The following STK35 variants were observed in gnomAD, a reference collection of about 807,000 sequenced individuals.
STK35 encodes the protein serine/threonine-protein kinase 35.
In STK35, 17 loss-of-function variants were observed where a neutral mutation model predicts 37.3. That is an observed-to-expected ratio of 0.46 (90% confidence interval 0.31 to 0.68). STK35 has a LOEUF of 0.68. Ranked by LOEUF, STK35 falls within the 30% of genes least tolerant of loss-of-function variation. The pLI, the probability that STK35 is intolerant of heterozygous loss-of-function variation, is 0.05. For missense variants in STK35, 595 were observed against 746.7 expected, an observed-to-expected ratio of 0.80 and a Z score of 2.37; for synonymous variants, 385 against 319.1, an observed-to-expected ratio of 1.21 and a Z score of -2.20.
intron 2 of STK35, 62 bp from the exon 3 acceptor site, chr20:2,116,604 G>A (rs1406427075): frequency 2.6e-6 from 4 of 1,525,622 alleles, no homozygotes; most frequent in East Asian, 4.5e-5. Flanking sequence ...GCATCCTTTA[G>A]TTAAAAAGAA....
chr20:2,124,564 A>G (rs1162463080), intron 3 of STK35, among the ~76,000 whole-genome samples: 2 of 152,204 alleles, frequency 1.3e-5, no homozygotes, highest in African/African-American at 4.8e-5. Context: ...TCTTTAATCC[A>G]GGCAGATCCA....
intron 2 of STK35, among the ~76,000 whole-genome samples, chr20:2,109,807 T>C (rs1985584200): frequency 1.3e-5 from 2 of 152,246 alleles, no homozygotes; most frequent in African/African-American, 4.8e-5. Flanking sequence ...ACTAAACAGA[T>C]TCTTAGTGTT....
chr20:2,135,784 A>C (rs1256258874), intron 3 of STK35, among the ~76,000 whole-genome samples: 1 of 152,196 alleles, frequency 6.6e-6, no homozygotes, highest in Non-Finnish European at 1.5e-5. Context: ...CAGGAGGTGG[A>C]GGTTGCAGTG....
At chr20:2,139,027 TAGAA>T (rs1041844088) in intron 3 of STK35, among the ~76,000 whole-genome samples, 1 of 152,094 alleles carries the variant, frequency 6.6e-6, no homozygotes, top group African/African-American at 2.4e-5. Context: ...CCCTGTGTCT[TAGAA>T]AAGAAAGCAA....
rs1239614459 is a variant in STK35 at position 2,103,123 on chromosome 20, A to T, written c.650A>T (p.Tyr217Phe). 8 of 1,603,294 alleles carry T rather than the reference A, an allele frequency of 5.0e-6. No individual in the cohort carries two copies. The highest frequency in any genetic ancestry group is 6.8e-6 in the Non-Finnish European group (8 of 1,178,964). Residue 217 changes from tyrosine (Y) to phenylalanine (F), a missense_variant, in exon 2 of 4, where the codon TAT becomes TTT. This residue lies in a region of STK35 where 97 missense variants were observed against 146.4 expected (regional missense o/e 0.66). Coordinates refer to ENST00000381482, the MANE Select transcript of STK35 (RefSeq NM_080836.4). Reference sequence around the variant, plus strand: ...GGGCGCGGCAGCTACGGCGTGGTTTATGAGGCAGTGGCCGGGCGCAGCGGG... The same window carrying T: ...GGGCGCGGCAGCTACGGCGTGGTTTTTGAGGCAGTGGCCGGGCGCAGCGGG... ...EIGRGSYGVV[Y>F]EAVAGRSGAR... is the part of the protein sequence containing the mutation.
intron 3 of STK35, among the ~76,000 whole-genome samples, chr20:2,130,445 G>GCATC (rs1985979935): frequency 2.0e-5 from 3 of 152,064 alleles, no homozygotes; most frequent in African/African-American, 7.2e-5. Flanking sequence ...TGCTATAATT[G>GCATC]TGTTTCAAGA....
At chr20:2,124,835 C>T (rs935734432) in intron 3 of STK35, among the ~76,000 whole-genome samples, 1 of 152,264 alleles carries the variant, frequency 6.6e-6, no homozygotes, top group Non-Finnish European at 1.5e-5. Flanking sequence ...GAGTTTTCCT[C>T]CCCAGGTGGG....
In STK35 at chr20:2,102,929, G is replaced by C. The variant is rs1199195637; in HGVS notation, c.456G>C (p.Arg152Ser). 1 of 1,538,850 alleles carries C rather than the reference G, an allele frequency of 6.5e-7. No homozygotes were observed. The highest frequency in any genetic ancestry group is 1.4e-5 in the African/African-American group (1 of 70,682). The change falls in exon 2 of 4, where the codon AGG becomes AGC. Residue 152 changes from arginine (R) to serine (S), a missense_variant. Transcript: ENST00000381482. ...GTACACAAAGCCCGGAGCGGAAAAG[G>C]CGAAGCCCAGTGCCGCGGGCGCCCA... ...RRGTQSPERKRRSPVPRAPST... is the reference protein window; with the variant it reads ...RRGTQSPERKSRSPVPRAPST...
rs1402725812 is a variant in STK35 at position 2,144,232 on chromosome 20, C to A, written c.*486C>A. 1 of 255,280 alleles carries A rather than the reference C, an allele frequency of 3.9e-6. No homozygotes were observed. The highest frequency in any genetic ancestry group is 7.6e-6 in the Non-Finnish European group (1 of 132,154). The allele number at this position is 255,280 out of a possible 1,614,324, so 15.8% of individuals were successfully genotyped here. ...GAAGGCCTGCCTCCCCATAGGGAAT[C>A]TGGGGGTTTCTTCTGGAACGGGGCG... On this transcript the variant is annotated 3_prime_UTR_variant, in exon 4 of 4. Transcript: ENST00000381482.
intron 2 of STK35, among the ~76,000 whole-genome samples, chr20:2,110,409 A>G (rs1392068982): frequency 6.6e-6 from 1 of 152,226 alleles, no homozygotes; most frequent in African/African-American, 2.4e-5. Context: ...TTGTTGAAGT[A>G]TAATATGGTC....
intron 3 of STK35, among the ~76,000 whole-genome samples, chr20:2,143,501 G>C (rs769355510): frequency 2.0e-5 from 3 of 152,214 alleles, no homozygotes; most frequent in Non-Finnish European, 2.9e-5. Context: ...GTTCAAGATT[G>C]GTTTGACAGC....
intron 3 of STK35, among the ~76,000 whole-genome samples, chr20:2,118,473 T>G (rs1270887770): frequency 6.6e-6 from 1 of 152,062 alleles, no homozygotes; most frequent in Non-Finnish European, 1.5e-5. Context: ...TCCCAGCTAC[T>G]CGGGAGGCTG....
At chr20:2,124,910 C>G (rs1317226472) in intron 3 of STK35, among the ~76,000 whole-genome samples, 1 of 152,180 alleles carries the variant, frequency 6.6e-6, no homozygotes, top group Non-Finnish European at 1.5e-5. Flanking sequence ...CTGTTGCCAT[C>G]TCTTGATTGT....
intron 3 of STK35, among the ~76,000 whole-genome samples, chr20:2,135,768 T>C (rs963740752): frequency 4.6e-5 from 7 of 152,178 alleles, no homozygotes; most frequent in African/African-American, 1.7e-4. Context: ...GAGAATCACT[T>C]GAACCCAGGA....
chr20:2,107,712 A>T (rs540358797), intron 2 of STK35, among the ~76,000 whole-genome samples: 5 of 152,224 alleles, frequency 3.3e-5, no homozygotes, highest in Admixed American at 1.3e-4. Context: ...AACTTCCCCA[A>T]CTTGTCGAGT....
At position 2,102,154 on chromosome 20, in the gene STK35, G is replaced by A; in HGVS notation, c.273G>A (p.Arg91=). The A allele has an allele frequency of 7.2e-7, 1 of 1,384,544 alleles. No individual in the cohort carries two copies. The highest frequency in any genetic ancestry group is 9.4e-7 in the Non-Finnish European group (1 of 1,068,928). 85.8% of individuals were successfully genotyped at this position (1,384,544 alleles called of 1,614,324 possible). Residue 91 remains arginine, a synonymous_variant, in exon 1 of 4, where the codon CGG becomes CGA. Transcript: ENST00000381482. ...AGAPGGKRAA[R]KWRCAGQVTI... ...CTCCAGGGGGGAAACGGGCCGCCCG[G>A]AAGTGGAGGTGCGCGGGCCAGGTAA...
At chr20:2,124,651 A>G (rs927053153) in intron 3 of STK35, among the ~76,000 whole-genome samples, 2 of 152,106 alleles carry the variant, frequency 1.3e-5, no homozygotes, top group East Asian at 1.9e-4. Context: ...CACTAGCACT[A>G]AACAGCTTCA....
chr20:2,137,420 G>A, intron 3 of STK35, among the ~76,000 whole-genome samples: 1 of 152,218 alleles, frequency 6.6e-6, no homozygotes, highest in East Asian at 1.9e-4. Context: ...CTGTGGGTGA[G>A]CTGCCTTGGT....
intron 2 of STK35, among the ~76,000 whole-genome samples, chr20:2,109,927 G>A (rs1043439302): frequency 2.0e-5 from 3 of 152,240 alleles, no homozygotes; most frequent in Non-Finnish European, 2.9e-5. Context: ...CTGTCCGGCC[G>A]GTGGGTTTAC....
Sources: allele counts gnomAD v4.1 joint callset (sites outside exome capture counted in the v4.1 genomes callset), GRCh38; gene constraint gnomAD v4.1.1; regional missense constraint gnomAD v4.1.1; transcripts MANE v1.5; gene names NCBI Gene and HGNC (gene_info 2026-07-23, HGNC 2026-07-21).